Variants in CHRM1 observed in about 807,000 individuals in gnomAD.
CHRM1 encodes the protein cholinergic receptor muscarinic 1, also known as muscarinic acetylcholine receptor M1.
CHRM1 carries 5 observed loss-of-function variants against 31.6 expected under a neutral mutation model. The observed-to-expected ratio is 0.16, with a 90% CI of 0.08 to 0.33. The LOEUF (loss-of-function observed/expected upper bound fraction) is 0.33. Ranked by LOEUF, CHRM1 falls within the 10% of genes least tolerant of loss-of-function variation. The pLI, the probability that CHRM1 is intolerant of heterozygous loss-of-function variation, is 1.00. For synonymous variants in CHRM1, 227 were observed against 249.7 expected, an observed-to-expected ratio of 0.91 and a Z score of 0.86; for missense variants, 338 against 610.3, an observed-to-expected ratio of 0.55 and a Z score of 4.70.
chr11:62,910,566 A>G lies in CHRM1; in HGVS notation c.535T>C (p.Tyr179His), dbSNP rs1346205042. ...ATGGGCTGGGAGAGGAACTGGATGT[A>G]GCACTGCCCAGCTAGCACTGTCCGC... ...GERTVLAGQC[Y>H]IQFLSQPIIT... The change falls in exon 2 of 2, where the codon TAC becomes CAC. Residue 179 changes from tyrosine to histidine, a missense_variant. Tyr to His is a moderately conservative substitution (Grantham distance 83, BLOSUM62 2). This residue lies in a region of CHRM1 where 85 missense variants were observed against 257.7 expected (regional missense o/e 0.33). Transcript: ENST00000306960. This position sits in a 1 kb window ranked among gnomAD's most constrained non-coding sequence, Gnocchi z 8.7. 3.7e-6 allele frequency: 6 copies of G among 1,614,064 alleles called. No homozygotes were observed. The highest frequency in any genetic ancestry group is 5.1e-6 in the Non-Finnish European group (6 of 1,180,038).
chr11:62,910,071 G>A lies in CHRM1; in HGVS notation c.1030C>T (p.Arg344Cys), dbSNP rs1476783014. 4 of 1,613,066 alleles carry A rather than the reference G, an allele frequency of 2.5e-6. No homozygotes were observed. Among genetic ancestry groups the A allele is most frequent in the Non-Finnish European group, 3.4e-6 (4 of 1,179,830 alleles). ...CGCTTGGCCAGCTGCTCCTTTCCAC[G>A]GGGCTTCTGGCCCTTGCCAGCTCGA... ...RDRAGKGQKP[R>C]GKEQLAKRKT... Residue 344 changes from arginine (R) to cysteine (C), a missense_variant, in exon 2 of 2, where the codon CGT (arginine) becomes TGT (cysteine). Around this residue, in one of 4 missense-constraint regions of CHRM1, gnomAD observed 183 missense variants for 223.4 expected, o/e 0.82. Transcript: ENST00000306960. This position sits in a 1 kb window ranked among gnomAD's most constrained non-coding sequence, Gnocchi z 8.7.
chr11:62,918,831 G>C (rs1382453669), intron 1 of CHRM1, among the ~76,000 whole-genome samples: 1 of 152,172 alleles, frequency 6.6e-6, no homozygotes, highest in Non-Finnish European at 1.5e-5. Context: ...CAGGGAAAGG[G>C]AAATGGGGAG....
At chr11:62,919,208 A>G (rs1279430047) in intron 1 of CHRM1, among the ~76,000 whole-genome samples, 2 of 152,178 alleles carry the variant, frequency 1.3e-5, no homozygotes. Context: ...CTCTTGACCC[A>G]TTAAGGTGCA....
chr11:62,916,500 T>A (rs2085901122), intron 1 of CHRM1, among the ~76,000 whole-genome samples: 1 of 152,162 alleles, frequency 6.6e-6, no homozygotes. Flanking sequence ...GGTGAGGACC[T>A]CTCCTAGAGG....
intron 1 of CHRM1, among the ~76,000 whole-genome samples, chr11:62,918,897 AG>A (rs1306676567): frequency 6.6e-6 from 1 of 152,094 alleles, no homozygotes; most frequent in East Asian, 1.9e-4. Context: ...AGAGTACAGA[AG>A]GGGAGGGAGG....
Position 62,910,012 on chromosome 11 carries a change from C to G in CHRM1, c.1089G>C (p.Ala363=). 6.2e-7 allele frequency: 1 copy of G among 1,613,966 alleles called. No individual in the cohort carries two copies. The highest frequency in any genetic ancestry group is 8.5e-7 in the Non-Finnish European group (1 of 1,180,014). The change falls in exon 2 of 2, where the codon GCG becomes GCC. Residue 363 remains alanine (A), a synonymous_variant. Coordinates refer to ENST00000306960, the MANE Select transcript of CHRM1 (RefSeq NM_000738.3). The surrounding 1 kb of genome is among the most constrained non-coding windows in gnomAD (Gnocchi z 8.7). ...GGAGGATGGCACTCAGGGTCCGAGC[C>G]GCCTTCTTCTCCTTGACCAGCGAGA... ...KTFSLVKEKK[A]ARTLSAILLA...
In CHRM1 at chr11:62,910,160, G is replaced by A. The variant is rs942144058; in HGVS notation, c.941C>T (p.Pro314Leu). 68 of 1,605,288 alleles carry A rather than the reference G, an allele frequency of 4.2e-5. No individual in the cohort carries two copies. Among genetic ancestry groups the A allele is most frequent in the Non-Finnish European group, 5.7e-5 (67 of 1,175,852 alleles). The change falls in exon 2 of 2, where the codon CCC (proline) becomes CTC (leucine). Residue 314 changes from proline to leucine, a missense_variant. Around this residue, in one of 4 missense-constraint regions of CHRM1, gnomAD observed 183 missense variants for 223.4 expected, o/e 0.82. Coordinates refer to ENST00000306960, the MANE Select transcript of CHRM1 (RefSeq NM_000738.3). This position sits in a 1 kb window ranked among gnomAD's most constrained non-coding sequence, Gnocchi z 8.7. Reference protein sequence around the residue: ...MPMVDPEAQAPTKQPPRSSPN... With the variant: ...MPMVDPEAQALTKQPPRSSPN... ...GGAGCTCCGTGGGGGCTGCTTGGTG[G>A]GGGCCTGTGCCTCGGGGTCCACCAT...
At chr11:62,918,571 A>G (rs923494213) in intron 1 of CHRM1, among the ~76,000 whole-genome samples, 1 of 152,172 alleles carries the variant, frequency 6.6e-6, no homozygotes, top group Non-Finnish European at 1.5e-5. Flanking sequence ...TGTAAAGTGG[A>G]CCAAGGAAAC....
Position 62,915,802 on chromosome 11 carries a change from G to GTTA in CHRM1, c.-78-4627_-78-4625dup, listed in dbSNP as rs906570897. 4.7e-4 allele frequency among the ~76,000 whole-genome samples: 71 copies of GTTA among 151,500 alleles called. 1 individual carries two copies. Among genetic ancestry groups the GTTA allele is most frequent in the South Asian group, 1.3e-3 (6 of 4,782 alleles). Reference sequence around the variant, plus strand: ...TCAGTTAAAAAGTTAAAGCCTTATTGTTATTATTATTATTATTATTATTTT... The same window carrying GTTA: ...TCAGTTAAAAAGTTAAAGCCTTATTGTTATTATTATTATTATTATTATTATTTT... On this transcript the variant is annotated intron_variant, in intron 1 of 1. Coordinates refer to ENST00000306960, the MANE Select transcript of CHRM1 (RefSeq NM_000738.3).
chr11:62,916,686 G>C (rs1053477338), intron 1 of CHRM1, among the ~76,000 whole-genome samples: 1 of 152,170 alleles, frequency 6.6e-6, no homozygotes. Flanking sequence ...ACATCCCATG[G>C]GGGGCTCTAT....
At position 62,909,794 on chromosome 11, in the gene CHRM1, C is replaced by A. The variant is rs369705923; in HGVS notation, c.1307G>T (p.Arg436Leu). 6.2e-7 allele frequency: 1 copy of A among 1,614,246 alleles called. No individual in the cohort carries two copies. Among genetic ancestry groups the A allele is most frequent in the Non-Finnish European group, 8.5e-7 (1 of 1,180,026 alleles). ...CTTGCGCCAGCGTCTCTTGTCCCAG[C>A]GGCAAAGCAGCAGCAGGCGAAAGGT... ...RDTFRLLLLC[R>L]WDKRRWRKIP... is the part of the protein sequence containing the mutation. Residue 436 changes from arginine (R) to leucine (L), a missense_variant, in exon 2 of 2, where the codon CGC becomes CTC. Transcript: ENST00000306960.
At chr11:62,915,174 C>CAAAA (rs34590771) in intron 1 of CHRM1, among the ~76,000 whole-genome samples, 6 of 22,734 alleles carry the variant, frequency 2.6e-4, no homozygotes, top group Non-Finnish European at 3.0e-4. Context: ...GACCCTGTCT[C>CAAAA]AAAAAAAAAA....
chr11:62,919,403 T>G (rs1414486556), intron 1 of CHRM1, among the ~76,000 whole-genome samples: 2 of 152,196 alleles, frequency 1.3e-5, no homozygotes, highest in African/African-American at 4.8e-5. Context: ...CTAGAATCAC[T>G]GCCAAATTTG....
In CHRM1 at chr11:62,921,218, C is replaced by T. The variant is rs1169108859; in HGVS notation, c.-79G>A. On this transcript the variant is annotated splice_region_variant and 5_prime_UTR_variant, in exon 1 of 2. It introduces an in-frame stop codon into an upstream open reading frame of the 5' UTR. Coordinates refer to ENST00000306960, the MANE Select transcript of CHRM1 (RefSeq NM_000738.3). ...CCCAAGCCCTCCCAAATGTACTCACCACGGGGCTGAAGAGGGGTCTGTAGG... is the reference window on the plus strand; with the variant it reads ...CCCAAGCCCTCCCAAATGTACTCACTACGGGGCTGAAGAGGGGTCTGTAGG... 1 of 152,228 alleles carries T rather than the reference C, an allele frequency of 6.6e-6. No individual in the cohort carries two copies. The highest frequency in any genetic ancestry group is 1.5e-5 in the Non-Finnish European group (1 of 68,074). 9.4% of individuals were successfully genotyped at this position (152,228 alleles called of 1,614,324 possible). A position where few individuals can be genotyped will look rare whatever the true frequency, so the allele number is the denominator to read the frequency against.
chr11:62,916,498 CCT>C (rs1377636420), intron 1 of CHRM1, among the ~76,000 whole-genome samples: 2 of 152,154 alleles, frequency 1.3e-5, no homozygotes, highest in Non-Finnish European at 2.9e-5. Context: ...GAGGTGAGGA[CCT>C]CTCCTAGAGG....
intron 1 of CHRM1, among the ~76,000 whole-genome samples, chr11:62,914,102 G>A (rs1018329922): frequency 3.9e-5 from 6 of 152,018 alleles, no homozygotes; most frequent in Admixed American, 3.9e-4. Flanking sequence ...CCACCACCAC[G>A]CCCGGCTAAA....
intron 1 of CHRM1, among the ~76,000 whole-genome samples, chr11:62,914,269 A>G (rs2085888871): frequency 6.6e-6 from 1 of 152,028 alleles, no homozygotes; most frequent in Non-Finnish European, 1.5e-5. Flanking sequence ...ATAGATAAGG[A>G]AGCTGAGACT....
At chr11:62,913,500 T>A (rs1042154568) in intron 1 of CHRM1, among the ~76,000 whole-genome samples, 5 of 152,066 alleles carry the variant, frequency 3.3e-5, no homozygotes, top group African/African-American at 1.2e-4. Flanking sequence ...AGTGAAACTC[T>A]GTCTCTACTA....
chr11:62,912,522 C>T (rs1484932175), intron 1 of CHRM1, among the ~76,000 whole-genome samples: 1 of 152,158 alleles, frequency 6.6e-6, no homozygotes, highest in Non-Finnish European at 1.5e-5. Flanking sequence ...TTCCTGGGCC[C>T]CAGCTGAGTG....
Sources: allele counts gnomAD v4.1 joint callset (sites outside exome capture counted in the v4.1 genomes callset), GRCh38; gene constraint gnomAD v4.1.1; regional missense constraint gnomAD v4.1.1; non-coding constraint Gnocchi (gnomAD v3.1); transcripts MANE v1.5; gene names NCBI Gene and HGNC (gene_info 2026-07-23, HGNC 2026-07-21).